PDGFRA: variants seen among roughly 807,000 people sequenced by gnomAD.
PDGFRA encodes the protein platelet derived growth factor receptor alpha, also known as platelet-derived growth factor receptor alpha.
In PDGFRA, 25 loss-of-function variants were observed where a neutral mutation model predicts 121.5. The ratio of observed to expected loss-of-function variants is 0.21; its 90% CI spans 0.15 to 0.29. PDGFRA has a LOEUF of 0.29. PDGFRA is among the 10% of genes least tolerant of loss of function. PDGFRA has a pLI of 1.00. For synonymous variants in PDGFRA, 463 were observed against 494.8 expected (o/e 0.94, Z 0.85); for missense variants, 1,008 against 1,345.1 (o/e 0.75, Z 3.92).
At chr4:54,258,657 T>C in intron 1 of PDGFRA, 100 bp from the exon 2 acceptor site, 1 of 803,098 alleles carries the variant, frequency 1.2e-6, no homozygotes, top group South Asian at 1.3e-5. Flanking sequence ...ACTAAAATGA[T>C]GCTGTTAATA....
chr4:54,272,163 A>G (rs1723436552), intron 8 of PDGFRA, among the ~76,000 whole-genome samples: 1 of 150,672 alleles, frequency 6.6e-6, no homozygotes, highest in South Asian at 2.1e-4. Context: ...CACTTTCTTC[A>G]CTCCAGGTTA....
At chr4:54,285,758 C>G in intron 17 of PDGFRA, 83 bp from the exon 18 acceptor site, 1 of 1,466,750 alleles carries the variant, frequency 6.8e-7, no homozygotes. Flanking sequence ...CAAGTGCCAC[C>G]ATGGATCAGC....
In PDGFRA at chr4:54,252,890, C is replaced by G. The variant is rs1385658458; in HGVS notation, c.-12-5867C>G. Among the ~76,000 whole-genome samples, 7 of 151,160 alleles carry G rather than the reference C, an allele frequency of 4.6e-5. No homozygotes were observed. In the Admixed American group the frequency reaches 4.6e-4, roughly 10 times the overall value. ...ATTGCCTACTGTCCGTTTACACTAC[C>G]TTTGCACATTGCCTTTGGTTATAGA... On this transcript the variant is annotated intron_variant, in intron 1 of 22. Transcript: ENST00000257290.
chr4:54,253,609 G>T (rs1722186370), intron 1 of PDGFRA, among the ~76,000 whole-genome samples: 1 of 152,194 alleles, frequency 6.6e-6, no homozygotes, highest in African/African-American at 2.4e-5. Context: ...TGGCATGAGA[G>T]AAGTAATTAT....
At chr4:54,261,911 ATATATATATATATATATATATT>A (rs1160521109) in intron 3 of PDGFRA, among the ~76,000 whole-genome samples, 2 of 53,912 alleles carry the variant, frequency 3.7e-5, no homozygotes, top group Non-Finnish European at 8.0e-5. Context: ...ATATATATAT[ATATATATATATATATATATATT>A]TTTTTTTTTT....
intron 1 of PDGFRA, among the ~76,000 whole-genome samples, chr4:54,232,286 C>CAA (rs543009156): frequency 2.3e-3 from 344 of 152,312 alleles, no homozygotes; most frequent in African/African-American, 7.9e-3. Context: ...GGATCGGGGG[C>CAA]AAATGGCTTC....
chr4:54,253,252 A>C (rs976558169), intron 1 of PDGFRA, among the ~76,000 whole-genome samples: 14 of 152,230 alleles, frequency 9.2e-5, no homozygotes, highest in African/African-American at 2.2e-4. Context: ...CAGAAAAAGT[A>C]ATGAAAACCA....
chr4:54,264,696 TTTATTG>T (rs1722935311), intron 4 of PDGFRA: 1 of 471,198 alleles, frequency 2.1e-6, no homozygotes, highest in South Asian at 2.2e-5. Context: ...GGAATTTATT[TTTATTG>T]TTATTATTTT....
At chr4:54,269,799 T>G (rs897318857) in intron 7 of PDGFRA, among the ~76,000 whole-genome samples, 9 of 143,730 alleles carry the variant, frequency 6.3e-5, no homozygotes, top group African/African-American at 2.5e-4. Context: ...TGTGCCACCA[T>G]GCCTGGCTAA....
chr4:54,274,489 G>A lies in PDGFRA; in HGVS notation c.1559-42G>A, dbSNP rs756698968. ...TACCTTGCTGCCCCTGTGCATGTCT[G>A]CCAGGAAACTTTTCATTGTGCCTCT... On this transcript the variant is annotated intron_variant, in intron 10 of 22. Coordinates refer to ENST00000257290, the MANE Select transcript of PDGFRA (RefSeq NM_006206.6). The A allele has an allele frequency of 4.2e-6, 6 of 1,419,938 alleles. No individual in the cohort carries two copies. The South Asian group carries it at 5.7e-5, about 14-fold the overall frequency. The allele number at this position is 1,419,938 out of a possible 1,614,324, so 88.0% of individuals were successfully genotyped here.
intron 12 of PDGFRA, among the ~76,000 whole-genome samples, chr4:54,275,540 T>A (rs530200215): frequency 2.0e-5 from 3 of 152,344 alleles, no homozygotes; most frequent in South Asian, 4.1e-4. Context: ...ATTTCTTTTT[T>A]AAATCACATT....
Position 54,297,068 on chromosome 4 carries a change from T to A in PDGFRA, c.*1796T>A, listed in dbSNP as rs1019685162. The A allele has an allele frequency of 1.7e-5, 4 of 233,116 alleles. No homozygotes were observed. Among genetic ancestry groups the A allele is most frequent in the Non-Finnish European group, 3.4e-5 (4 of 118,018 alleles). 14.4% of individuals were successfully genotyped at this position (233,116 alleles called of 1,614,324 possible). A position where few individuals can be genotyped will look rare whatever the true frequency, so the allele number is the denominator to read the frequency against. ...TGCAATTCAGTGTTCCAAGTCTCTGTGTAACCAGCTCAGTGTTTTGGTGGA... is the reference window on the plus strand; with the variant it reads ...TGCAATTCAGTGTTCCAAGTCTCTGAGTAACCAGCTCAGTGTTTTGGTGGA... On this transcript the variant is annotated 3_prime_UTR_variant, in exon 23 of 23. Coordinates refer to ENST00000257290, the MANE Select transcript of PDGFRA (RefSeq NM_006206.6).
At chr4:54,271,419 C>T (rs1343233077) in intron 8 of PDGFRA, among the ~76,000 whole-genome samples, 1 of 152,212 alleles carries the variant, frequency 6.6e-6, no homozygotes, top group Non-Finnish European at 1.5e-5. Flanking sequence ...ACCACAGATG[C>T]ATTTTGGTAA....
intron 22 of PDGFRA, 85 bp from the exon 23 acceptor site, chr4:54,295,040 G>T: frequency 7.2e-7 from 1 of 1,387,664 alleles, no homozygotes; most frequent in South Asian, 1.2e-5. Flanking sequence ...GAATGCCAAA[G>T]GCTTTCGTTT....
chr4:54,236,210 G>A (rs1720996656), intron 1 of PDGFRA, among the ~76,000 whole-genome samples: 1 of 152,232 alleles, frequency 6.6e-6, no homozygotes, highest in Non-Finnish European at 1.5e-5. Context: ...CTGCAAAGGG[G>A]GTTGTTCTCA....
At chr4:54,249,550 C>T (rs1048593706) in intron 1 of PDGFRA, among the ~76,000 whole-genome samples, 11 of 152,072 alleles carry the variant, frequency 7.2e-5, no homozygotes, top group Admixed American at 2.6e-4. Flanking sequence ...AACCAAATGC[C>T]GCATATTCTC....
intron 16 of PDGFRA, among the ~76,000 whole-genome samples, chr4:54,284,720 C>T (rs552380754): frequency 1.3e-5 from 2 of 152,154 alleles, no homozygotes; most frequent in East Asian, 1.9e-4. Context: ...AGTCACCTCC[C>T]ACCAGGCCCC....
At chr4:54,236,781 C>T (rs527809399) in intron 1 of PDGFRA, among the ~76,000 whole-genome samples, 24 of 151,144 alleles carry the variant, frequency 1.6e-4, no homozygotes, top group South Asian at 4.2e-4. Flanking sequence ...CCAGCCCAGG[C>T]GGCAGTGCAA....
At chr4:54,258,885 G>A in intron 2 of PDGFRA, 68 bp downstream of exon 2, 1 of 1,263,370 alleles carries the variant, frequency 7.9e-7, no homozygotes, top group Non-Finnish European at 1.2e-6. Context: ...TGTGCTGCAT[G>A]GGTTTATTAC....
Sources: gnomAD v4.1 joint callset for allele counts (sites outside exome capture counted in the v4.1 genomes callset) on GRCh38, gnomAD v4.1.1 for gene constraint, MANE v1.5 for transcripts, NCBI Gene and HGNC (gene_info 2026-07-23, HGNC 2026-07-21) for gene names.